The following NKAIN1 variants were observed in gnomAD, a reference collection of about 807,000 sequenced individuals.
NKAIN1 encodes the protein sodium/potassium-transporting ATPase subunit beta-1-interacting protein 1.
NKAIN1 carries 13 observed loss-of-function variants against 31.6 expected under a neutral mutation model. The observed-to-expected ratio is 0.41, with a 90% CI of 0.27 to 0.65. NKAIN1 has a LOEUF of 0.65. Ranked by LOEUF, NKAIN1 falls within the 30% of genes least tolerant of loss-of-function variation. The pLI is 0.30. For missense variants in NKAIN1, 193 were observed against 262.2 expected (o/e 0.74, Z 1.82); for synonymous variants, 104 against 109.0 (o/e 0.95, Z 0.28).
chr1:31,239,542 G>C lies in NKAIN1; in HGVS notation c.6C>G (p.Gly2=). 7.6e-7 allele frequency: 1 copy of C among 1,318,296 alleles called. No individual in the cohort carries two copies. The highest frequency in any genetic ancestry group is 2.0e-5 in the South Asian group (1 of 48,902). 81.7% of individuals were successfully genotyped at this position (1,318,296 alleles called of 1,614,324 possible). ...CCAGCGTGCAGCGCCCGCTGCACTT[G>C]CCCATGGCTCCGGGGGCTGCGCGGG... M[G]KCSGRCTLVA... is the part of the protein sequence containing the mutation. The change falls in exon 1 of 7, where the codon GGC becomes GGG. Residue 2 remains glycine, a synonymous_variant. Transcript: ENST00000373736. This position sits in a 1 kb window ranked among gnomAD's most constrained non-coding sequence, Gnocchi z 4.8.
At chr1:31,222,499 TATGGACCC>T in intron 1 of NKAIN1, among the ~76,000 whole-genome samples, 1 of 152,110 alleles carries the variant, frequency 6.6e-6, no homozygotes, top group East Asian at 1.9e-4. Flanking sequence ...CAAGGCAGGG[TATGGACCC>T]ATCTGGGGGT....
At position 31,232,396 on chromosome 1, in the gene NKAIN1, C is replaced by CACAT. The variant is rs1334094237; in HGVS notation, c.54+7097_54+7098insATGT. ...ATGAGCCACCGTGTCTGGCCTACTT[C>CACAT]ATATATATATATATATATATATATA... On this transcript the variant is annotated intron_variant, in intron 1 of 6. Coordinates refer to ENST00000373736, the MANE Select transcript of NKAIN1 (RefSeq NM_024522.3). Among the ~76,000 whole-genome samples the CACAT allele has an allele frequency of 9.8e-3, 63 of 6,396 alleles. 6 individuals are homozygous for CACAT. The highest frequency in any genetic ancestry group is 0.083 in the Middle Eastern group (1 of 12). The allele number at this position is 6,396 out of a possible 152,430, so 4.2% of individuals were successfully genotyped here.
At chr1:31,237,152 G>A (rs1350265590) in intron 1 of NKAIN1, among the ~76,000 whole-genome samples, 1 of 152,190 alleles carries the variant, frequency 6.6e-6, no homozygotes, top group African/African-American at 2.4e-5. Context: ...TCAGGAGGCT[G>A]AGGTGGGAGG....
chr1:31,204,219 G>T (rs1645406252), intron 1 of NKAIN1, among the ~76,000 whole-genome samples: 1 of 152,134 alleles, frequency 6.6e-6, no homozygotes. Flanking sequence ...GCTTTATTCT[G>T]CTGGTCCCTA....
chr1:31,229,016 C>G (rs184577727), intron 1 of NKAIN1, among the ~76,000 whole-genome samples: 1 of 152,292 alleles, frequency 6.6e-6, no homozygotes, highest in Admixed American at 6.5e-5. Context: ...CTCTCATTTC[C>G]CACTTCATAG....
intron 1 of NKAIN1, among the ~76,000 whole-genome samples, chr1:31,224,212 C>A (rs2148365002): frequency 6.6e-6 from 1 of 152,226 alleles, no homozygotes; most frequent in African/African-American, 2.4e-5. Flanking sequence ...CCTCTGAGAG[C>A]CGATGATAGG....
At chr1:31,181,989 G>A (rs1431000486) in intron 5 of NKAIN1, 48 bp from the exon 6 acceptor site, 1 of 1,548,872 alleles carries the variant, frequency 6.5e-7, no homozygotes, top group East Asian at 2.3e-5. Context: ...CGGGGGCGAG[G>A]AGAGGGAGAC....
chr1:31,197,252 C>T (rs1645335073), intron 1 of NKAIN1, among the ~76,000 whole-genome samples: 1 of 151,810 alleles, frequency 6.6e-6, no homozygotes, highest in South Asian at 2.1e-4. Context: ...GCTGGGACTA[C>T]AGGCACCCAC....
intron 1 of NKAIN1, among the ~76,000 whole-genome samples, chr1:31,218,074 T>TCTTTCTTTCTTTCTTTC (rs1570472285): frequency 1.3e-5 from 2 of 148,276 alleles, no homozygotes; most frequent in African/African-American, 5.1e-5. Flanking sequence ...CTTTCTTTTT[T>TCTTTCTTTCTTTCTTTC]TTTTTTGAGA....
intron 1 of NKAIN1, among the ~76,000 whole-genome samples, chr1:31,223,040 T>C (rs950294668): frequency 2.6e-5 from 4 of 152,256 alleles, no homozygotes; most frequent in Non-Finnish European, 4.4e-5. Context: ...TCCTTGATGC[T>C]GGGACACTTG....
chr1:31,203,185 C>T (rs1233221183), intron 1 of NKAIN1, among the ~76,000 whole-genome samples: 1 of 151,474 alleles, frequency 6.6e-6, no homozygotes, highest in Admixed American at 6.6e-5. Flanking sequence ...GAATCACTTG[C>T]ACCCGGGAGG....
intron 1 of NKAIN1, among the ~76,000 whole-genome samples, chr1:31,230,107 C>T (rs1013820666): frequency 6.6e-6 from 1 of 152,170 alleles, no homozygotes; most frequent in Non-Finnish European, 1.5e-5. Context: ...CCAGCTTGAG[C>T]CTTCCATTCA....
intron 1 of NKAIN1, among the ~76,000 whole-genome samples, chr1:31,221,027 G>T (rs1645560628): frequency 6.6e-6 from 1 of 152,188 alleles, no homozygotes; most frequent in South Asian, 2.1e-4. Context: ...TGTGATGGAG[G>T]CAGGGGACAA....
intron 1 of NKAIN1, among the ~76,000 whole-genome samples, chr1:31,218,068 C>CTTTCTTTCTTTCTTTCTTT (rs71569970): frequency 1.5e-5 from 2 of 132,934 alleles, no homozygotes; most frequent in Non-Finnish European, 1.6e-5. Context: ...TTCTTTCTTT[C>CTTTCTTTCTTTCTTTCTTT]TTTTTTTTTT....
intron 1 of NKAIN1, among the ~76,000 whole-genome samples, chr1:31,214,616 G>A (rs2148360669): frequency 6.6e-6 from 1 of 152,342 alleles, no homozygotes; most frequent in East Asian, 1.9e-4. Flanking sequence ...AATCCCTGTT[G>A]TGCTCAGTGC....
intron 1 of NKAIN1, among the ~76,000 whole-genome samples, chr1:31,206,287 G>A (rs1260262521): frequency 1.1e-5 from 1 of 88,628 alleles, no homozygotes; most frequent in Non-Finnish European, 2.9e-5. Flanking sequence ...TGGTTTAAAT[G>A]AGAAATAAAC....
At chr1:31,210,646 G>T (rs926226027) in intron 1 of NKAIN1, among the ~76,000 whole-genome samples, 8 of 152,136 alleles carry the variant, frequency 5.3e-5, no homozygotes, top group Non-Finnish European at 7.3e-5. Flanking sequence ...CTAACAGTAG[G>T]TCACTCAACA....
intron 1 of NKAIN1, among the ~76,000 whole-genome samples, chr1:31,231,285 C>A (rs1386417582): frequency 6.6e-6 from 1 of 151,586 alleles, no homozygotes; most frequent in Non-Finnish European, 1.5e-5. Context: ...TTTATACAAC[C>A]TCCCCACTCC....
intron 1 of NKAIN1, among the ~76,000 whole-genome samples, chr1:31,226,267 T>C (rs1645603406): frequency 6.6e-6 from 1 of 151,238 alleles, no homozygotes; most frequent in Non-Finnish European, 1.5e-5. Flanking sequence ...GGCTGGCACA[T>C]AGTAGGTATC....
Sources: gnomAD v4.1 joint callset for allele counts (sites outside exome capture counted in the v4.1 genomes callset) on GRCh38, gnomAD v4.1.1 for gene constraint, Gnocchi (gnomAD v3.1) non-coding constraint, MANE v1.5 for transcripts, NCBI Gene and HGNC (gene_info 2026-07-23, HGNC 2026-07-21) for gene names.